PPDPFL: variants seen among roughly 807,000 people sequenced by gnomAD.
PPDPFL encodes pancreatic progenitor cell differentiation and proliferation factor-like protein.
PPDPFL carries 12 observed loss-of-function variants against 12.6 expected under a neutral mutation model. That is an observed-to-expected ratio of 0.95 (90% CI 0.61 to 1.54). The LOEUF (loss-of-function observed/expected upper bound fraction) is 1.54, where lower values mean the gene tolerates loss of function less well. Among genes scored for constraint, PPDPFL ranks in the 40% most tolerant of loss-of-function variants. The pLI is 0.00. For missense variants in PPDPFL, 114 were observed against 96.0 expected (o/e 1.19, Z -0.78); for synonymous variants, 24 against 32.7 (o/e 0.73, Z 0.91).
intron 1 of PPDPFL, among the ~76,000 whole-genome samples, chr8:49,054,837 T>G (rs1194895302): frequency 3.9e-5 from 6 of 152,194 alleles, no homozygotes; most frequent in Admixed American, 1.3e-4. Flanking sequence ...AAAGGCATAC[T>G]TCACATATGT....
chr8:49,057,029 TG>T (rs1180768633), intron 1 of PPDPFL, among the ~76,000 whole-genome samples: 2 of 152,180 alleles, frequency 1.3e-5, no homozygotes, highest in African/African-American at 4.8e-5. Context: ...AATCACTTGG[TG>T]ATTATTATTG....
intron 4 of PPDPFL, 152 bp from the exon 5 acceptor site, chr8:49,075,000 C>G: frequency 7.2e-7 from 1 of 1,385,630 alleles, no homozygotes; most frequent in Non-Finnish European, 9.6e-7. Context: ...AAATTAGAAT[C>G]ATTATTTAAA....
At chr8:49,062,598 C>T (rs75051587) in intron 1 of PPDPFL, among the ~76,000 whole-genome samples, 4,258 of 152,154 alleles carry the variant, frequency 0.028, 207 homozygotes, top group African/African-American at 0.098. Flanking sequence ...GTAGGAAACC[C>T]TACTTACAAT....
Position 49,060,777 on chromosome 8 carries a change from G to A in PPDPFL, c.-45+6408G>A, listed in dbSNP as rs1808187821. ...GGTAAATAAAAATGAATCAAAATTG[G>A]CGTAATGGAAGATATTTTATAAAAT... is the stretch of plus-strand genomic sequence containing the variant. On this transcript the variant is annotated intron_variant, in intron 1 of 4. Transcript: ENST00000517663. 2.0e-5 allele frequency among the ~76,000 whole-genome samples: 3 copies of A among 152,242 alleles called. No individual in the cohort carries two copies. The South Asian group carries it at 6.2e-4, about 32-fold the overall frequency.
At chr8:49,064,351 G>A (rs999058173) in intron 1 of PPDPFL, among the ~76,000 whole-genome samples, 2 of 152,144 alleles carry the variant, frequency 1.3e-5, no homozygotes, top group Non-Finnish European at 2.9e-5. Context: ...AGGCCAGAGA[G>A]GGTGGGAGTC....
chr8:49,075,113 T>C (rs1320825020), intron 4 of PPDPFL, 39 bp from the exon 5 acceptor site: 2 of 1,607,740 alleles, frequency 1.2e-6, no homozygotes, highest in Admixed American at 3.4e-5. Flanking sequence ...GTTTCATTTA[T>C]TTATCCCCTC....
At chr8:49,062,486 C>T (rs1454119781) in intron 1 of PPDPFL, among the ~76,000 whole-genome samples, 2 of 152,080 alleles carry the variant, frequency 1.3e-5, no homozygotes, top group Non-Finnish European at 2.9e-5. Context: ...ACACTGTTTT[C>T]CTAAAATGAA....
chr8:49,058,529 A>C (rs1274311403), intron 1 of PPDPFL, among the ~76,000 whole-genome samples: 2 of 152,228 alleles, frequency 1.3e-5, no homozygotes, highest in Non-Finnish European at 2.9e-5. Context: ...TGTGCATTCA[A>C]AGAAAAATGT....
chr8:49,060,686 C>T (rs1390435287), intron 1 of PPDPFL, among the ~76,000 whole-genome samples: 1 of 152,000 alleles, frequency 6.6e-6, no homozygotes, highest in Non-Finnish European at 1.5e-5. Flanking sequence ...AAAAAAATGA[C>T]TGTGTGAAAT....
rs115675987 is a variant in PPDPFL at position 49,055,576 on chromosome 8, G to A, written c.-45+1207G>A. ...ATGATATTACATTGGTAATTTCCAGGACTTATATCTATGAATAATGAAGTA... is the reference window on the plus strand; with the variant it reads ...ATGATATTACATTGGTAATTTCCAGAACTTATATCTATGAATAATGAAGTA... On this transcript the variant is annotated intron_variant, in intron 1 of 4. Transcript: ENST00000517663. Among the ~76,000 whole-genome samples, 198 of 152,166 alleles carry A rather than the reference G, an allele frequency of 1.3e-3. 2 individuals carry two copies. The highest frequency in any genetic ancestry group is 4.5e-3 in the African/African-American group (188 of 41,518).
intron 4 of PPDPFL, chr8:49,074,596 T>G: frequency 7.8e-6 from 12 of 1,536,054 alleles, no homozygotes; most frequent in Non-Finnish European, 7.8e-6. Context: ...TGTCATTGTT[T>G]GGCGGGGGAT....
upstream of PPDPFL, among the ~76,000 whole-genome samples, chr8:49,067,732 T>G (rs1808321158): frequency 6.6e-6 from 1 of 152,216 alleles, no homozygotes; most frequent in Admixed American, 6.5e-5. Flanking sequence ...TAGAACTTAG[T>G]CTTTCTGAAT....
At chr8:49,058,536 A>G (rs967634478) in intron 1 of PPDPFL, among the ~76,000 whole-genome samples, 5 of 152,218 alleles carry the variant, frequency 3.3e-5, no homozygotes, top group Non-Finnish European at 7.4e-5. Context: ...TCAAAGAAAA[A>G]TGTGTTTTAA....
chr8:49,065,466 G>A (rs530724441), intron 1 of PPDPFL, among the ~76,000 whole-genome samples: 1 of 152,148 alleles, frequency 6.6e-6, no homozygotes. Context: ...AGAGATGCAG[G>A]GCAGAGGAGA....
intron 1 of PPDPFL, 26 bp downstream of exon 1, chr8:49,072,508 T>G (rs1225532538): frequency 1.1e-5 from 2 of 185,462 alleles, no homozygotes; most frequent in African/African-American, 4.7e-5. Context: ...ATGGCTGAGT[T>G]AACACTTCTC....
At chr8:49,074,432 C>A in intron 4 of PPDPFL, 99 bp downstream of exon 4, 3 of 1,558,542 alleles carry the variant, frequency 1.9e-6, no homozygotes, top group Non-Finnish European at 2.6e-6. Flanking sequence ...ACATAGTTGT[C>A]TCTTGAGAGC....
chr8:49,072,871 A>G lies in PPDPFL; in HGVS notation c.41A>G (p.Asn14Ser). ...TCCATTGGTTGCCTTCTAGCCAGAA[A>G]TCAGTATTATCGAAGTAAGTTGCAT... The part of the protein sequence containing the change: ...VPSIGCLLAR[N>S]QYYRKSSVSS... Residue 14 changes from asparagine (N) to serine (S), a missense_variant, in exon 2 of 5, where the codon AAT (asparagine) becomes AGT (serine). Transcript: ENST00000522267. 1 of 1,606,710 alleles carries G rather than the reference A, an allele frequency of 6.2e-7. No homozygotes were observed. The highest frequency in any genetic ancestry group is 8.5e-7 in the Non-Finnish European group (1 of 1,177,234).
intron 1 of PPDPFL, among the ~76,000 whole-genome samples, chr8:49,063,556 C>T (rs1020089460): frequency 2.0e-5 from 3 of 152,002 alleles, no homozygotes; most frequent in South Asian, 4.2e-4. Flanking sequence ...CCTGTCTCTA[C>T]AAAAAATACA....
intron 1 of PPDPFL, among the ~76,000 whole-genome samples, chr8:49,056,972 G>A (rs1314399765): frequency 2.6e-5 from 4 of 152,042 alleles, no homozygotes; most frequent in African/African-American, 4.8e-5. Context: ...CAGATACCCC[G>A]TTTCTAGATT....
Sources: allele counts gnomAD v4.1 joint callset (sites outside exome capture counted in the v4.1 genomes callset), GRCh38; gene constraint gnomAD v4.1.1; transcripts MANE v1.5; gene names NCBI Gene and HGNC (gene_info 2026-07-23, HGNC 2026-07-21).